FGF14: variants seen among roughly 807,000 people sequenced by gnomAD.
FGF14 encodes the protein fibroblast growth factor homologous factor 4.
In FGF14, 5 loss-of-function variants were observed where a neutral mutation model predicts 25.5. The ratio of observed to expected loss-of-function variants is 0.20; its 90% CI spans 0.10 to 0.41. The LOEUF (loss-of-function observed/expected upper bound fraction) is 0.41. Among genes scored for constraint, FGF14 ranks in the 10% least tolerant of loss-of-function variants. FGF14 has a pLI of 1.00. For synonymous variants in FGF14, 138 were observed against 118.3 expected, an observed-to-expected ratio of 1.17 and a Z score of -1.08; for missense variants, 222 against 320.1, an observed-to-expected ratio of 0.69 and a Z score of 2.34.
At chr13:101,818,050 G>A (rs749663925) in intron 3 of FGF14, among the ~76,000 whole-genome samples, 1 of 152,178 alleles carries the variant, frequency 6.6e-6, no homozygotes, top group South Asian at 2.1e-4. Flanking sequence ...GAAACTGTAT[G>A]CAAGACTCTT....
At chr13:101,743,354 A>G (rs1344488515) in intron 3 of FGF14, among the ~76,000 whole-genome samples, 2 of 152,216 alleles carry the variant, frequency 1.3e-5, no homozygotes, top group African/African-American at 4.8e-5. Flanking sequence ...AGATCTGTTT[A>G]CCAATTGTGG....
chr13:101,989,016 G>T (rs1258288735), intron 1 of FGF14, among the ~76,000 whole-genome samples: 3 of 151,922 alleles, frequency 2.0e-5, no homozygotes, highest in Non-Finnish European at 4.4e-5. Context: ...GAATTTTCAG[G>T]TTGCTTGAGA....
chr13:102,249,418 C>T (rs932295669), intron 1 of FGF14, among the ~76,000 whole-genome samples: 1 of 152,104 alleles, frequency 6.6e-6, no homozygotes, highest in African/African-American at 2.4e-5. Context: ...AAAGGTTGGC[C>T]TTGAAGACAG....
At chr13:102,133,183 T>C (rs1034690488) in intron 1 of FGF14, among the ~76,000 whole-genome samples, 1 of 152,246 alleles carries the variant, frequency 6.6e-6, no homozygotes, top group African/African-American at 2.4e-5. Context: ...TAATTATGTT[T>C]ACCATTATAA....
At chr13:102,096,184 A>G (rs889194387) in intron 1 of FGF14, among the ~76,000 whole-genome samples, 40 of 152,074 alleles carry the variant, frequency 2.6e-4, no homozygotes, top group Non-Finnish European at 5.9e-5. Context: ...TATCTGTACA[A>G]TTAGGAATGA....
chr13:101,754,478 C>T (rs1306258391), intron 3 of FGF14, among the ~76,000 whole-genome samples: 1 of 152,118 alleles, frequency 6.6e-6, no homozygotes, highest in East Asian at 1.9e-4. Flanking sequence ...CCTGTAATCC[C>T]AGCACTTTGG....
intron 1 of FGF14, among the ~76,000 whole-genome samples, chr13:102,025,077 G>A (rs4627187): frequency 0.032 from 4,812 of 150,930 alleles, 250 homozygotes; most frequent in African/African-American, 0.11. Flanking sequence ...ATGTATACTG[G>A]CATACTTCTT....
At chr13:101,973,736 A>G (rs558841772) in intron 1 of FGF14, among the ~76,000 whole-genome samples, 1 of 152,264 alleles carries the variant, frequency 6.6e-6, no homozygotes, top group East Asian at 1.9e-4. Flanking sequence ...GCCCTCCCAG[A>G]TTAAGGGTGG....
At chr13:101,853,110 C>T (rs1231810095) in intron 3 of FGF14, among the ~76,000 whole-genome samples, 10 of 152,062 alleles carry the variant, frequency 6.6e-5, no homozygotes, top group Admixed American at 6.6e-4. Context: ...GTTGCCCAGT[C>T]TTGTGATCAC....
At chr13:101,986,178 A>C (rs2038568855) in intron 1 of FGF14, among the ~76,000 whole-genome samples, 2 of 152,144 alleles carry the variant, frequency 1.3e-5, no homozygotes, top group Admixed American at 6.6e-5. Flanking sequence ...GGAAAAGTAC[A>C]ATCATTATTG....
At position 102,343,840 on chromosome 13, in the gene FGF14, T is replaced by C. The variant is rs183778856; in HGVS notation, c.208+57631A>G. On this transcript the variant is annotated intron_variant, in intron 1 of 4. Transcript: ENST00000376131. ...CATTCAAGGCTGACATTAAGATACA[T>C]TTTTCAAGCGGCTGTTATGATCATT... Among the ~76,000 whole-genome samples, 806 of 152,298 alleles carry C rather than the reference T, an allele frequency of 5.3e-3. 3 individuals carry two copies. Among genetic ancestry groups the C allele is most frequent in the Admixed American group, 9.7e-3 (148 of 15,290 alleles).
At chr13:101,776,243 T>C (rs1036766629) in intron 3 of FGF14, among the ~76,000 whole-genome samples, 8 of 152,178 alleles carry the variant, frequency 5.3e-5, no homozygotes, top group African/African-American at 1.9e-4. Context: ...TGTCAGCTAA[T>C]CAGCCAGAAC....
chr13:101,851,123 T>G (rs1028580864), intron 3 of FGF14, among the ~76,000 whole-genome samples: 1 of 151,970 alleles, frequency 6.6e-6, no homozygotes, highest in Non-Finnish European at 1.5e-5. Context: ...TCATTTTAAT[T>G]AAGTTAAAAT....
At chr13:102,131,424 G>T (rs2046190176) in intron 1 of FGF14, among the ~76,000 whole-genome samples, 1 of 152,034 alleles carries the variant, frequency 6.6e-6, no homozygotes, top group Non-Finnish European at 1.5e-5. Context: ...CTGTGATGTG[G>T]CTTCCTTCCT....
intron 1 of FGF14, among the ~76,000 whole-genome samples, chr13:102,381,470 T>C (rs1335372344): frequency 6.6e-6 from 1 of 152,160 alleles, no homozygotes; most frequent in African/African-American, 2.4e-5. Context: ...ATGCAGGAAG[T>C]AGGCACCATC....
chr13:102,370,177 G>C (rs1266013325), intron 1 of FGF14, among the ~76,000 whole-genome samples: 1 of 151,554 alleles, frequency 6.6e-6, no homozygotes, highest in African/African-American at 2.4e-5. Flanking sequence ...ATTTTTTGTA[G>C]AGACAGGGTT....
intron 1 of FGF14, among the ~76,000 whole-genome samples, chr13:101,882,562 T>A (rs901280855): frequency 1.3e-5 from 2 of 149,808 alleles, no homozygotes; most frequent in Non-Finnish European, 3.0e-5. Context: ...TTTTTTTTTT[T>A]ATACATTTGC....
intron 1 of FGF14, among the ~76,000 whole-genome samples, chr13:102,119,993 C>A (rs2045644735): frequency 6.6e-6 from 1 of 152,122 alleles, no homozygotes; most frequent in Non-Finnish European, 1.5e-5. Flanking sequence ...CATGCCCCAC[C>A]ATCCTGCCAC....
chr13:102,118,130 AT>A (rs1408223343), intron 1 of FGF14, among the ~76,000 whole-genome samples: 1 of 152,136 alleles, frequency 6.6e-6, no homozygotes, highest in Non-Finnish European at 1.5e-5. Flanking sequence ...CTAATGTGAA[AT>A]TTTGACAGTA....
Sources: allele counts gnomAD v4.1 joint callset (sites outside exome capture counted in the v4.1 genomes callset), GRCh38; gene constraint gnomAD v4.1.1; transcripts MANE v1.5; gene names NCBI Gene and HGNC (gene_info 2026-07-23, HGNC 2026-07-21).